CD276: variants seen among roughly 807,000 people sequenced by gnomAD.
The protein encoded by CD276 is CD276 molecule.
Under a neutral mutation model 50.0 loss-of-function variants are expected in CD276, and 34 were observed. The observed-to-expected ratio is 0.68, with a 90% CI of 0.52 to 0.91. CD276 has a LOEUF of 0.91. CD276 is among the 40% of genes least tolerant of loss of function. The pLI is 0.00. For synonymous variants in CD276, 275 were observed against 313.0 expected (o/e 0.88, Z 1.28); for missense variants, 634 against 717.5 (o/e 0.88, Z 1.33).
chr15:73,711,283 A>G (rs1900891177), intron 9 of CD276, 113 bp downstream of exon 9: 1 of 1,151,598 alleles, frequency 8.7e-7, no homozygotes, highest in African/African-American at 1.5e-5. Context: ...CCCCCTCTGC[A>G]GAAGAGCAGC....
intron 1 of CD276, among the ~76,000 whole-genome samples, chr15:73,689,765 A>G (rs1215941632): frequency 6.6e-6 from 1 of 152,150 alleles, no homozygotes. Context: ...CTTAAACACT[A>G]GTGCTAACTT....
At chr15:73,696,954 G>A (rs1319269338) in intron 1 of CD276, among the ~76,000 whole-genome samples, 3 of 152,082 alleles carry the variant, frequency 2.0e-5, no homozygotes, top group Non-Finnish European at 4.4e-5. Flanking sequence ...AAGCAGTGTG[G>A]AGAGTGAGGG....
intron 4 of CD276, among the ~76,000 whole-genome samples, chr15:73,703,427 C>T (rs548887823): frequency 2.6e-5 from 4 of 152,182 alleles, no homozygotes; most frequent in African/African-American, 9.6e-5. Flanking sequence ...CAGGCCTGGC[C>T]CTGGGATTGG....
intron 1 of CD276, among the ~76,000 whole-genome samples, chr15:73,697,233 C>T (rs1900212337): frequency 6.6e-6 from 1 of 152,026 alleles, no homozygotes; most frequent in Non-Finnish European, 1.5e-5. Flanking sequence ...AGGCCGGAAG[C>T]GTCTGGAAAG....
At chr15:73,701,761 G>T (rs1247078743) in intron 2 of CD276, among the ~76,000 whole-genome samples, 1 of 140,460 alleles carries the variant, frequency 7.1e-6, no homozygotes, top group African/African-American at 2.7e-5. Flanking sequence ...AAAAGCACTT[G>T]TGATTCTCTC....
intron 2 of CD276, among the ~76,000 whole-genome samples, chr15:73,701,741 GA>G (rs1375821666): frequency 2.0e-5 from 3 of 151,508 alleles, no homozygotes; most frequent in African/African-American, 4.9e-5. Context: ...GAAAAAAAAA[GA>G]AAAAAAGAAA....
intron 2 of CD276, among the ~76,000 whole-genome samples, chr15:73,700,785 T>A (rs1900347608): frequency 7.0e-6 from 1 of 143,054 alleles, no homozygotes; most frequent in African/African-American, 2.6e-5. Flanking sequence ...TCAAGGTTGA[T>A]CTTCCCACAT....
rs1901015149 is a variant in CD276 at position 73,713,848 on chromosome 15, T to A, written c.*892T>A. 2.3e-6 allele frequency: 1 copy of A among 440,182 alleles called. No homozygotes were observed. Among genetic ancestry groups the A allele is most frequent in the Non-Finnish European group, 4.5e-6 (1 of 220,742 alleles). 27.3% of individuals were successfully genotyped at this position (440,182 alleles called of 1,614,324 possible). A position where few individuals can be genotyped will look rare whatever the true frequency, so the allele number is the denominator to read the frequency against. On this transcript the variant is annotated 3_prime_UTR_variant, in exon 10 of 10. Coordinates refer to ENST00000318443, the MANE Select transcript of CD276 (RefSeq NM_001024736.2). ...TTTTCATGTATCCATTCAGTTGATGTTTATTGAGCAACTACAGATGTCAGC... is the reference window on the plus strand; with the variant it reads ...TTTTCATGTATCCATTCAGTTGATGATTATTGAGCAACTACAGATGTCAGC...
intron 1 of CD276, among the ~76,000 whole-genome samples, chr15:73,699,329 T>C (rs1020927338): frequency 1.3e-5 from 2 of 152,158 alleles, no homozygotes; most frequent in African/African-American, 4.8e-5. Context: ...CTTCCTTATA[T>C]TTGGATACTA....
chr15:73,702,749 C>G, intron 3 of CD276, 23 bp from the exon 4 acceptor site: 1 of 1,601,764 alleles, frequency 6.2e-7, no homozygotes, highest in Non-Finnish European at 8.5e-7. Context: ...CTGCCCTTGA[C>G]CCCTGCCCTC....
At position 73,708,720 on chromosome 15, in the gene CD276, G is replaced by A. The variant is rs1429978886; in HGVS notation, c.1504+247G>A. ...GATGAGTGTGACTGGAAGGTGGTGG[G>A]AGTGTAAGGCCAAGTGCTACAAAGG... On this transcript the variant is annotated intron_variant, in intron 7 of 9. Coordinates refer to ENST00000318443, the MANE Select transcript of CD276 (RefSeq NM_001024736.2). 3.7e-6 allele frequency: 2 copies of A among 533,942 alleles called. 1 individual carries two copies. Among genetic ancestry groups the A allele is most frequent in the South Asian group, 4.1e-5 (2 of 48,274 alleles). 33.1% of individuals were successfully genotyped at this position (533,942 alleles called of 1,614,324 possible). A position where few individuals can be genotyped will look rare whatever the true frequency, so the allele number is the denominator to read the frequency against.
intron 1 of CD276, among the ~76,000 whole-genome samples, chr15:73,696,434 G>A (rs1292505578): frequency 6.6e-6 from 1 of 152,116 alleles, no homozygotes; most frequent in Non-Finnish European, 1.5e-5. Flanking sequence ...GCTCCTCCAG[G>A]CCCAGCTGTC....
At position 73,688,624 on chromosome 15, in the gene CD276, G is replaced by C. The variant is rs983831961; in HGVS notation, c.-55+4164G>C. Among the ~76,000 whole-genome samples the C allele has an allele frequency of 7.9e-5, 12 of 152,188 alleles. 1 individual carries two copies. The highest frequency in any genetic ancestry group is 2.9e-4 in the African/African-American group (12 of 41,444). On this transcript the variant is annotated intron_variant, in intron 1 of 9. Coordinates refer to ENST00000318443, the MANE Select transcript of CD276 (RefSeq NM_001024736.2). ...CAGCTGGCTCTTAGTCACTTCTGCT[G>C]GTGGCTGATAATTGAGTGTGGGCCC...
intron 1 of CD276, chr15:73,686,290 T>C (rs1336675880): frequency 1.0e-6 from 1 of 984,254 alleles, no homozygotes; most frequent in Non-Finnish European, 1.2e-6. Flanking sequence ...CTGTGAGACA[T>C]GAGCTTGTCA....
At chr15:73,691,609 A>C (rs1367045951) in intron 1 of CD276, among the ~76,000 whole-genome samples, 1 of 152,172 alleles carries the variant, frequency 6.6e-6, no homozygotes, top group African/African-American at 2.4e-5. Context: ...CTGGGAGGAC[A>C]GCTCCACCAG....
chr15:73,711,305 C>T, intron 9 of CD276, 135 bp downstream of exon 9: 2 of 909,058 alleles, frequency 2.2e-6, no homozygotes, highest in Non-Finnish European at 3.5e-6. Flanking sequence ...TCAACTTCCC[C>T]CTGGTGAGAT....
intron 9 of CD276, among the ~76,000 whole-genome samples, chr15:73,712,524 A>G (rs1314151505): frequency 6.6e-6 from 1 of 152,262 alleles, no homozygotes; most frequent in Admixed American, 6.5e-5. Context: ...TGTCACTCTC[A>G]GGGAAACCAG....
intron 1 of CD276, among the ~76,000 whole-genome samples, chr15:73,688,468 A>T (rs936059318): frequency 1.3e-5 from 2 of 152,162 alleles, no homozygotes; most frequent in African/African-American, 4.8e-5. Context: ...AAACTTGGTC[A>T]TGTGTTCAGC....
Position 73,702,766 on chromosome 15 carries a change from C to T in CD276, c.419-6C>T. On this transcript the variant is annotated splice_polypyrimidine_tract_variant and splice_region_variant and intron_variant, in intron 3 of 9. Coordinates refer to ENST00000318443, the MANE Select transcript of CD276 (RefSeq NM_001024736.2). ...GCCCTTGACCCCTGCCCTCTGTCACCTCCAGCTCCCTACTCGAAGCCCAGC... is the reference window on the plus strand; with the variant it reads ...GCCCTTGACCCCTGCCCTCTGTCACTTCCAGCTCCCTACTCGAAGCCCAGC... The T allele has an allele frequency of 6.2e-7, 1 of 1,608,838 alleles. No homozygotes were observed.
Sources: allele counts gnomAD v4.1 joint callset (sites outside exome capture counted in the v4.1 genomes callset), GRCh38; gene constraint gnomAD v4.1.1; transcripts MANE v1.5; gene names NCBI Gene and HGNC (gene_info 2026-07-23, HGNC 2026-07-21).